Variants in SLC9A9 observed in about 807,000 individuals in gnomAD.
SLC9A9 encodes sodium/hydrogen exchanger 9.
Under a neutral mutation model 77.8 loss-of-function variants are expected in SLC9A9, and 62 were observed. The observed-to-expected ratio is 0.80, with a 90% CI of 0.65 to 0.98. The LOEUF is 0.98. Ranked by LOEUF, SLC9A9 falls within the 50% of genes least tolerant of loss-of-function variation. The pLI is 0.00. For missense variants in SLC9A9, 775 were observed against 774.9 expected, an observed-to-expected ratio of 1.00 and a Z score of 0.00; for synonymous variants, 320 against 283.5, an observed-to-expected ratio of 1.13 and a Z score of -1.29.
chr3:143,815,570 C>T (rs62268878), intron 2 of SLC9A9, among the ~76,000 whole-genome samples: 45,206 of 151,366 alleles, frequency 0.3, 6,893 homozygotes, highest in South Asian at 0.38. Context: ...GGTTTAAAAC[C>T]CTGACCTAAT....
At position 143,848,049 on chromosome 3, in the gene SLC9A9, C is replaced by G. The variant is rs191025148; in HGVS notation, c.175+99G>C. The G allele has an allele frequency of 2.4e-5, 27 of 1,148,066 alleles. 1 individual carries two copies. In the Admixed American group the frequency reaches 3.1e-4, roughly 13 times the overall value. 71.1% of individuals were successfully genotyped at this position (1,148,066 alleles called of 1,614,324 possible). On this transcript the variant is annotated intron_variant, in intron 1 of 15. Coordinates refer to ENST00000316549, the MANE Select transcript of SLC9A9 (RefSeq NM_173653.4). ...ATCAAACTAATGACATTTCAATCAG[C>G]ACATTTTCTCCAGTTTCGGTACTTT... is the stretch of plus-strand genomic sequence containing the variant.
chr3:143,670,669 G>A (rs2039142573), intron 5 of SLC9A9, among the ~76,000 whole-genome samples: 1 of 152,148 alleles, frequency 6.6e-6, no homozygotes, highest in African/African-American at 2.4e-5. Flanking sequence ...CTTTCTCAGA[G>A]CCTTCTCCCC....
At chr3:143,822,629 A>G (rs1429785355) in intron 2 of SLC9A9, among the ~76,000 whole-genome samples, 1 of 152,252 alleles carries the variant, frequency 6.6e-6, no homozygotes, top group African/African-American at 2.4e-5. Flanking sequence ...TCAGGAGAGA[A>G]CAGGGAAATG....
chr3:143,417,810 G>A (rs760826548), intron 12 of SLC9A9, among the ~76,000 whole-genome samples: 1 of 152,026 alleles, frequency 6.6e-6, no homozygotes, highest in Non-Finnish European at 1.5e-5. Context: ...GAAGACTAAG[G>A]CATTCTTCAA....
intron 9 of SLC9A9, among the ~76,000 whole-genome samples, chr3:143,551,248 T>C (rs1051907697): frequency 2.0e-5 from 3 of 152,162 alleles, no homozygotes; most frequent in Admixed American, 1.3e-4. Flanking sequence ...AAAGGAGCTA[T>C]CCTGCCAATA....
At chr3:143,295,083 T>G (rs929497617) in intron 14 of SLC9A9, among the ~76,000 whole-genome samples, 3 of 152,248 alleles carry the variant, frequency 2.0e-5, no homozygotes, top group Non-Finnish European at 4.4e-5. Flanking sequence ...AGTTTTGTTT[T>G]TCCTGCCTGA....
chr3:143,775,173 G>C (rs904458304), intron 4 of SLC9A9, among the ~76,000 whole-genome samples: 1 of 152,140 alleles, frequency 6.6e-6, no homozygotes, highest in African/African-American at 2.4e-5. Context: ...TAGAATTTTA[G>C]CCCTGGGAAA....
At chr3:143,357,712 G>A (rs973871759) in intron 14 of SLC9A9, among the ~76,000 whole-genome samples, 3 of 152,098 alleles carry the variant, frequency 2.0e-5, no homozygotes, top group African/African-American at 7.2e-5. Context: ...AGTAACCTTG[G>A]ATGTGCCTTT....
chr3:143,715,547 G>A (rs776959703), intron 4 of SLC9A9, among the ~76,000 whole-genome samples: 1 of 152,216 alleles, frequency 6.6e-6, no homozygotes, highest in Non-Finnish European at 1.5e-5. Context: ...GATTAATTAT[G>A]TAATTGATTG....
intron 14 of SLC9A9, among the ~76,000 whole-genome samples, chr3:143,324,140 C>A (rs1254194714): frequency 6.6e-6 from 1 of 152,086 alleles, no homozygotes; most frequent in Non-Finnish European, 1.5e-5. Context: ...ACCTAAAGTA[C>A]CTGCTCTATT....
At chr3:143,677,756 G>A (rs1932928891) in intron 5 of SLC9A9, among the ~76,000 whole-genome samples, 1 of 150,392 alleles carries the variant, frequency 6.6e-6, no homozygotes, top group African/African-American at 2.4e-5. Context: ...CTTCTTGGAA[G>A]TTTGAATAAC....
rs1227055816 is a variant in SLC9A9 at position 143,674,936 on chromosome 3, CG to C, written c.649+18255del. ...TATTTCATTCAGTTTTTATATTCAT[CG>C]GGGCTGTGGACTAGTGCTACTAGCA... On this transcript the variant is annotated intron_variant, in intron 5 of 15. Coordinates refer to ENST00000316549, the MANE Select transcript of SLC9A9 (RefSeq NM_173653.4). Among the ~76,000 whole-genome samples the C allele has an allele frequency of 3.9e-5, 6 of 152,156 alleles. No individual in the cohort carries two copies. The East Asian group carries it at 7.7e-4, about 20-fold the overall frequency.
At chr3:143,524,687 A>T (rs2036373918) in intron 9 of SLC9A9, among the ~76,000 whole-genome samples, 1 of 152,202 alleles carries the variant, frequency 6.6e-6, no homozygotes, top group Admixed American at 6.5e-5. Context: ...TGAAGCTATG[A>T]TTTGAATATG....
At chr3:143,599,773 T>C (rs2037813878) in intron 6 of SLC9A9, among the ~76,000 whole-genome samples, 1 of 152,194 alleles carries the variant, frequency 6.6e-6, no homozygotes, top group South Asian at 2.1e-4. Context: ...AAAAATCTTA[T>C]GCGTCCCTCA....
intron 12 of SLC9A9, among the ~76,000 whole-genome samples, chr3:143,458,005 T>A (rs1184333141): frequency 2.6e-5 from 4 of 152,184 alleles, no homozygotes; most frequent in African/African-American, 9.6e-5. Context: ...TATCTACTTG[T>A]TATATCAGTT....
intron 12 of SLC9A9, among the ~76,000 whole-genome samples, chr3:143,387,359 A>G (rs1487088085): frequency 6.6e-6 from 1 of 152,214 alleles, no homozygotes; most frequent in Non-Finnish European, 1.5e-5. Context: ...GTAAAGGTGC[A>G]TGCAGCCTTA....
chr3:143,339,601 GTTCTTAAGGC>G (rs1214641335), intron 14 of SLC9A9, among the ~76,000 whole-genome samples: 1 of 152,074 alleles, frequency 6.6e-6, no homozygotes, highest in East Asian at 1.9e-4. Context: ...TTTCCCTGAT[GTTCTTAAGGC>G]TTCCCGTCAC....
chr3:143,305,658 A>G (rs946500857), intron 14 of SLC9A9, among the ~76,000 whole-genome samples: 1 of 152,216 alleles, frequency 6.6e-6, no homozygotes. Context: ...ATCATGTGGA[A>G]TGGTCTCAAG....
chr3:143,504,472 A>G (rs1455421892), intron 9 of SLC9A9, among the ~76,000 whole-genome samples: 2 of 150,974 alleles, frequency 1.3e-5, no homozygotes, highest in African/African-American at 2.4e-5. Flanking sequence ...CTTTACCACC[A>G]GAACATAAGG....
Sources: allele counts gnomAD v4.1 joint callset (sites outside exome capture counted in the v4.1 genomes callset), GRCh38; gene constraint gnomAD v4.1.1; transcripts MANE v1.5; gene names NCBI Gene and HGNC (gene_info 2026-07-23, HGNC 2026-07-21).